ENPP6: variants seen among roughly 807,000 people sequenced by gnomAD.
ENPP6 encodes the protein ectonucleotide pyrophosphatase/phosphodiesterase 6.
Under a neutral mutation model 42.0 loss-of-function variants are expected in ENPP6, and 32 were observed. The ratio of observed to expected loss-of-function variants is 0.76; its 90% CI spans 0.58 to 1.02. The LOEUF (loss-of-function observed/expected upper bound fraction) is 1.02, where lower values mean the gene tolerates loss of function less well. Among genes scored for constraint, ENPP6 ranks in the 50% least tolerant of loss-of-function variants. The pLI, the probability that ENPP6 is intolerant of heterozygous loss-of-function variation, is 0.00. For missense variants in ENPP6, 552 were observed against 566.8 expected (o/e 0.97, Z 0.27); for synonymous variants, 213 against 216.0 (o/e 0.99, Z 0.12).
At chr4:184,169,924 C>T (rs577702547) in intron 1 of ENPP6, among the ~76,000 whole-genome samples, 1 of 152,338 alleles carries the variant, frequency 6.6e-6, no homozygotes, top group South Asian at 2.1e-4. Context: ...CCTCCCCACA[C>T]TGGAATATTT....
chr4:184,159,049 G>A (rs1184965833), intron 1 of ENPP6, among the ~76,000 whole-genome samples: 2 of 152,120 alleles, frequency 1.3e-5, no homozygotes, highest in Non-Finnish European at 2.9e-5. Context: ...CTGTCGTGAT[G>A]CTTGAATGTT....
chr4:184,155,608 T>G (rs1313849749), intron 1 of ENPP6, among the ~76,000 whole-genome samples: 1 of 152,084 alleles, frequency 6.6e-6, no homozygotes, highest in African/African-American at 2.4e-5. Flanking sequence ...GACATGGGAA[T>G]AATAGGGAGA....
chr4:184,197,521 C>T (rs1293782509), intron 1 of ENPP6, among the ~76,000 whole-genome samples: 1 of 152,190 alleles, frequency 6.6e-6, no homozygotes, highest in Admixed American at 6.5e-5. Flanking sequence ...AGATGCTGGC[C>T]CCGGCTTGGA....
intron 1 of ENPP6, among the ~76,000 whole-genome samples, chr4:184,190,284 C>T (rs1319125650): frequency 1.3e-5 from 2 of 152,188 alleles, no homozygotes; most frequent in Non-Finnish European, 2.9e-5. Flanking sequence ...AAGTATGGTG[C>T]CTTCTTGCCC....
intron 1 of ENPP6, among the ~76,000 whole-genome samples, chr4:184,199,019 GAGA>G (rs1158618585): frequency 6.6e-6 from 1 of 152,354 alleles, no homozygotes; most frequent in East Asian, 1.9e-4. Context: ...TGGCTGAACA[GAGA>G]AGGAGAGAGG....
chr4:184,112,443 G>C (rs770736456), intron 6 of ENPP6: 1 of 496,736 alleles, frequency 2.0e-6, no homozygotes, highest in Non-Finnish European at 3.5e-6. Flanking sequence ...AAAACACAGC[G>C]AGTCTGGAGC....
chr4:184,194,152 C>T (rs968773658), intron 1 of ENPP6, among the ~76,000 whole-genome samples: 3 of 152,338 alleles, frequency 2.0e-5, no homozygotes, highest in Admixed American at 2.0e-4. Context: ...ATTTCCCACT[C>T]CTCGGTCAGC....
intron 2 of ENPP6, among the ~76,000 whole-genome samples, chr4:184,137,041 A>G (rs1019930008): frequency 2.0e-5 from 3 of 152,154 alleles, no homozygotes; most frequent in Non-Finnish European, 4.4e-5. Context: ...CCCTTTGTAA[A>G]AAAGATTTTA....
chr4:184,190,250 G>A (rs1205330808), intron 1 of ENPP6, among the ~76,000 whole-genome samples: 2 of 152,200 alleles, frequency 1.3e-5, no homozygotes, highest in African/African-American at 4.8e-5. Context: ...CTGGAATTTA[G>A]TGAAAAGGTA....
chr4:184,149,879 T>C (rs1431792880), intron 2 of ENPP6, among the ~76,000 whole-genome samples: 1 of 152,194 alleles, frequency 6.6e-6, no homozygotes, highest in African/African-American at 2.4e-5. Flanking sequence ...ATATTCCCTA[T>C]TTTCCCTCCT....
In ENPP6 at chr4:184,184,205, G is replaced by C. The variant is rs1732597162; in HGVS notation, c.242-30472C>G. ...AGTCACTGTGAGAGTCAGCAGAAAC[G>C]ACAACCACAGATTTAGCACCAAGAG... On this transcript the variant is annotated intron_variant, in intron 1 of 7. Coordinates refer to ENST00000296741, the MANE Select transcript of ENPP6 (RefSeq NM_153343.4). This position sits in a 1 kb window ranked among gnomAD's most constrained non-coding sequence, Gnocchi z 4.7. Among the ~76,000 whole-genome samples the C allele has an allele frequency of 6.6e-6, 1 of 152,118 alleles. No homozygotes were observed. The highest frequency in any genetic ancestry group is 6.5e-5 in the Admixed American group (1 of 15,270).
rs1169018339 is a variant in ENPP6 at position 184,131,267 on chromosome 4, C to T, written c.422-6995G>A. Among the ~76,000 whole-genome samples the T allele has an allele frequency of 2.0e-3, 140 of 71,086 alleles. 2 individuals carry two copies. The highest frequency in any genetic ancestry group is 3.5e-3 in the East Asian group (10 of 2,838). The allele number at this position is 71,086 out of a possible 152,430, so 46.6% of individuals were successfully genotyped here. Reference sequence around the variant, plus strand: ...TTCTTTCTTTCTCTTTCTCTTCCTTCCTTCCTTCCTTCCTTCCTTCCTTCC... The same window carrying T: ...TTCTTTCTTTCTCTTTCTCTTCCTTTCTTCCTTCCTTCCTTCCTTCCTTCC... On this transcript the variant is annotated intron_variant, in intron 2 of 7. Transcript: ENST00000296741.
intron 3 of ENPP6, among the ~76,000 whole-genome samples, chr4:184,121,466 A>T (rs962408935): frequency 1.4e-4 from 21 of 152,248 alleles, no homozygotes; most frequent in Non-Finnish European, 2.4e-4. Flanking sequence ...AAAGTGGATT[A>T]AAAAACACAC....
chr4:184,143,222 T>G (rs1050129148), intron 2 of ENPP6, among the ~76,000 whole-genome samples: 4 of 152,232 alleles, frequency 2.6e-5, no homozygotes, highest in Non-Finnish European at 5.9e-5. Flanking sequence ...TTGCTGAACC[T>G]CTTGCCCCTG....
chr4:184,167,734 A>G (rs1737375500), intron 1 of ENPP6, among the ~76,000 whole-genome samples: 2 of 152,186 alleles, frequency 1.3e-5, no homozygotes, highest in South Asian at 4.1e-4. Flanking sequence ...GTGCGCCCAT[A>G]GAGAAGTGAG....
chr4:184,169,625 TC>T (rs1286042474), intron 1 of ENPP6, among the ~76,000 whole-genome samples: 1 of 152,204 alleles, frequency 6.6e-6, no homozygotes, highest in Non-Finnish European at 1.5e-5. Context: ...CTGGGCAGGG[TC>T]CTGGCTGTGG....
chr4:184,154,385 T>A (rs137862050), intron 1 of ENPP6, among the ~76,000 whole-genome samples: 3 of 152,226 alleles, frequency 2.0e-5, no homozygotes, highest in Non-Finnish European at 2.9e-5. Flanking sequence ...TGGACTCTTT[T>A]GAAACATTAG....
chr4:184,123,446 A>G (rs1736453293), intron 3 of ENPP6, among the ~76,000 whole-genome samples: 1 of 152,070 alleles, frequency 6.6e-6, no homozygotes, highest in African/African-American at 2.4e-5. Context: ...TTCAGTGTCC[A>G]CAGTGACCTC....
At chr4:184,207,846 G>C (rs1733025801) in intron 1 of ENPP6, among the ~76,000 whole-genome samples, 1 of 152,218 alleles carries the variant, frequency 6.6e-6, no homozygotes, top group African/African-American at 2.4e-5. Flanking sequence ...CAGTTCATGA[G>C]CAAGGTGTTA....
Sources: allele counts gnomAD v4.1 joint callset (sites outside exome capture counted in the v4.1 genomes callset), GRCh38; gene constraint gnomAD v4.1.1; non-coding constraint Gnocchi (gnomAD v3.1); transcripts MANE v1.5; gene names NCBI Gene and HGNC (gene_info 2026-07-23, HGNC 2026-07-21).